UBQLN4: variants seen among roughly 807,000 people sequenced by gnomAD.
UBQLN4 encodes ubiquilin 4, also known as ubiquilin-4.
In UBQLN4, 11 loss-of-function variants were observed where a neutral mutation model predicts 60.4. That is an observed-to-expected ratio of 0.18 (90% CI 0.11 to 0.30). The LOEUF (loss-of-function observed/expected upper bound fraction) is 0.30, where lower values mean the gene tolerates loss of function less well. UBQLN4 is among the 10% of genes least tolerant of loss of function. The probability of loss-of-function intolerance (pLI) is 1.00; values close to 1 mark genes in which losing one functional copy is unlikely to be tolerated. For synonymous variants in UBQLN4, 258 were observed against 313.1 expected (o/e 0.82, Z 1.86); for missense variants, 417 against 795.5 (o/e 0.52, Z 5.72).
chr1:156,051,341 A>C lies in UBQLN4; in HGVS notation c.261-14T>G. 1 of 1,552,026 alleles carries C rather than the reference A, an allele frequency of 6.4e-7. No individual in the cohort carries two copies. Among genetic ancestry groups the C allele is most frequent in the Non-Finnish European group, 8.7e-7 (1 of 1,146,976 alleles). On this transcript the variant is annotated splice_polypyrimidine_tract_variant and intron_variant, in intron 2 of 10. Transcript: ENST00000368309. ...GGATCTTGAGCCCTGAGGACAGAGA[A>C]AGGAGAATCCTGTTGGAGTGAGCAC... is the stretch of plus-strand genomic sequence containing the variant.
At chr1:156,037,578 AG>A (rs1245942283) in intron 10 of UBQLN4, among the ~76,000 whole-genome samples, 1 of 152,268 alleles carries the variant, frequency 6.6e-6, no homozygotes, top group African/African-American at 2.4e-5. Flanking sequence ...CCTGGGCAAC[AG>A]AGCGAGACTC....
At chr1:156,045,094 A>G (rs1392552087) in intron 5 of UBQLN4, among the ~76,000 whole-genome samples, 2 of 151,766 alleles carry the variant, frequency 1.3e-5, no homozygotes, top group Non-Finnish European at 2.9e-5. Context: ...AGTTTTCCCT[A>G]CTCAGCCTTT....
Position 156,036,903 on chromosome 1 carries a change from A to T in UBQLN4, c.*75T>A. 6.4e-7 allele frequency: 1 copy of T among 1,559,290 alleles called. No homozygotes were observed. ...GAAGACGGAAGGGAGGACAAGCTGCAGAGGGTAAGGATTGACAGAAGAACC... is the reference window on the plus strand; with the variant it reads ...GAAGACGGAAGGGAGGACAAGCTGCTGAGGGTAAGGATTGACAGAAGAACC... On this transcript the variant is annotated 3_prime_UTR_variant, in exon 11 of 11. Transcript: ENST00000368309.
chr1:156,038,713 G>C lies in UBQLN4; in HGVS notation c.1654-1583C>G, dbSNP rs945571718. On this transcript the variant is annotated intron_variant, in intron 10 of 10. Transcript: ENST00000368309. Reference sequence around the variant, plus strand: ...AAAAAATTTTTTTAGCAGAGAAAGGGTCTTGCTATGTTGCCCAGGCTGGTC... The same window carrying C: ...AAAAAATTTTTTTAGCAGAGAAAGGCTCTTGCTATGTTGCCCAGGCTGGTC... Among the ~76,000 whole-genome samples, 5 of 152,028 alleles carry C rather than the reference G, an allele frequency of 3.3e-5. No homozygotes were observed. The South Asian group carries it at 1.0e-3, about 32-fold the overall frequency.
chr1:156,039,603 A>G (rs1683494202), intron 10 of UBQLN4, among the ~76,000 whole-genome samples: 1 of 151,960 alleles, frequency 6.6e-6, no homozygotes, highest in South Asian at 2.1e-4. Flanking sequence ...ATGTTTGCCC[A>G]AGGGGTATTT....
chr1:156,044,970 C>A (rs1396709302), intron 5 of UBQLN4, among the ~76,000 whole-genome samples: 1 of 152,130 alleles, frequency 6.6e-6, no homozygotes, highest in African/African-American at 2.4e-5. Flanking sequence ...ACTGTGCTCC[C>A]CAGGATATCT....
At position 156,036,379 on chromosome 1, in the gene UBQLN4, G is replaced by A; in HGVS notation, c.*599C>T. ...CTGTCTCATCTCCCTCTTCAGACAGGGAGAACAGGCATCTTCCTCCTTACC... is the reference window on the plus strand; with the variant it reads ...CTGTCTCATCTCCCTCTTCAGACAGAGAGAACAGGCATCTTCCTCCTTACC... On this transcript the variant is annotated 3_prime_UTR_variant, in exon 11 of 11. Coordinates refer to ENST00000368309, the MANE Select transcript of UBQLN4 (RefSeq NM_020131.5). 4 of 985,690 alleles carry A rather than the reference G, an allele frequency of 4.1e-6. No homozygotes were observed. Among genetic ancestry groups the A allele is most frequent in the South Asian group, 4.7e-5 (1 of 21,294 alleles). 61.1% of individuals were successfully genotyped at this position (985,690 alleles called of 1,614,324 possible). A position where few individuals can be genotyped will look rare whatever the true frequency, so the allele number is the denominator to read the frequency against.
intron 7 of UBQLN4, chr1:156,042,571 G>T: frequency 9.5e-7 from 1 of 1,047,900 alleles, no homozygotes; most frequent in Non-Finnish European, 1.3e-6. Flanking sequence ...AACTATAGGA[G>T]GTAGGAACTA....
intron 1 of UBQLN4, 26 bp downstream of exon 1, chr1:156,053,566 TCC>T: frequency 1.3e-6 from 1 of 742,700 alleles, no homozygotes; most frequent in Non-Finnish European, 1.7e-6. Flanking sequence ...TCCTCCGCGC[TCC>T]CCCCGCCCCC....
At position 156,036,609 on chromosome 1, in the gene UBQLN4, G is replaced by A. The variant is rs1683410246; in HGVS notation, c.*369C>T. ...AAGACAAAACCCTAGTGGTATAGAT[G>A]GAAGACTATGTTCCAGTAAACCAGA... On this transcript the variant is annotated 3_prime_UTR_variant, in exon 11 of 11. Coordinates refer to ENST00000368309, the MANE Select transcript of UBQLN4 (RefSeq NM_020131.5). 1.1e-5 allele frequency: 11 copies of A among 1,013,776 alleles called. No homozygotes were observed. Among genetic ancestry groups the A allele is most frequent in the Non-Finnish European group, 1.3e-5 (11 of 847,044 alleles). The allele number at this position is 1,013,776 out of a possible 1,614,324, so 62.8% of individuals were successfully genotyped here. A position where few individuals can be genotyped will look rare whatever the true frequency, so the allele number is the denominator to read the frequency against.
intron 10 of UBQLN4, among the ~76,000 whole-genome samples, chr1:156,038,834 G>A (rs1412559250): frequency 8.1e-6 from 1 of 123,616 alleles, no homozygotes; most frequent in African/African-American, 3.0e-5. Flanking sequence ...TTTTTGAGAC[G>A]GAGTCTCGCT....
intron 9 of UBQLN4, 54 bp downstream of exon 9, chr1:156,041,818 T>A: frequency 1.7e-5 from 26 of 1,530,594 alleles, no homozygotes; most frequent in Non-Finnish European, 2.2e-5. Context: ...GAGAGAAGAG[T>A]TGAAGGGGAG....
intron 5 of UBQLN4, among the ~76,000 whole-genome samples, chr1:156,047,957 T>C (rs1212755466): frequency 6.6e-6 from 1 of 150,592 alleles, no homozygotes; most frequent in East Asian, 1.9e-4. Flanking sequence ...TATGGCAACA[T>C]GTTAGGGCAA....
At chr1:156,047,381 C>T (rs777792126) in intron 5 of UBQLN4, among the ~76,000 whole-genome samples, 2 of 151,396 alleles carry the variant, frequency 1.3e-5, no homozygotes, top group Non-Finnish European at 2.9e-5. Flanking sequence ...ATAGCTGGGA[C>T]TACAGGCATG....
At position 156,035,962 on chromosome 1, in the gene UBQLN4, T is replaced by C. The variant is rs2102736665; in HGVS notation, c.*1016A>G. On this transcript the variant is annotated 3_prime_UTR_variant, in exon 11 of 11. Transcript: ENST00000368309. ...CTCACACAGACCCCAACCCCCTTCA[T>C]GTCTTTTGAGGGGGGCTCAAACTAC... is the stretch of plus-strand genomic sequence containing the variant. 4 of 985,712 alleles carry C rather than the reference T, an allele frequency of 4.1e-6. No individual in the cohort carries two copies. The highest frequency in any genetic ancestry group is 4.8e-6 in the Non-Finnish European group (4 of 830,086). 61.1% of individuals were successfully genotyped at this position (985,712 alleles called of 1,614,324 possible). A position where few individuals can be genotyped will look rare whatever the true frequency, so the allele number is the denominator to read the frequency against.
chr1:156,042,107 A>T, intron 8 of UBQLN4, 46 bp downstream of exon 8: 3 of 1,608,638 alleles, frequency 1.9e-6, no homozygotes, highest in Non-Finnish European at 2.5e-6. Flanking sequence ...GGCTTCAGGG[A>T]CTACCCCTTG....
intron 1 of UBQLN4, among the ~76,000 whole-genome samples, chr1:156,053,154 C>G (rs1683922871): frequency 6.6e-6 from 1 of 152,140 alleles, no homozygotes; most frequent in African/African-American, 2.4e-5. Context: ...AGGATCTGGG[C>G]ACAGGGAAAT....
At chr1:156,034,859 ATATATATATATAAT>A (rs1683361565), downstream of UBQLN4, among the ~76,000 whole-genome samples, 2 of 67,946 alleles carry the variant, frequency 2.9e-5, no homozygotes, top group Admixed American at 1.7e-4. Flanking sequence ...ATATATATAT[ATATATATATATAAT>A]TTTTTTTTCT....
chr1:156,042,905 T>C lies in UBQLN4; in HGVS notation c.1135A>G (p.Asn379Asp). ...NAASLGSGMF[N>D]SPEMQALLQQ... ...AGGAGGGCTTGCATTTCTGGGCTAT[T>C]GAACATCCCTAGGACAAGGCGGAAA... Residue 379 changes from asparagine to aspartate, a missense_variant, in exon 7 of 11, where the codon AAT (asparagine) becomes GAT (aspartate). By Grantham distance (23) the Asn-to-Asp change is conservative. Transcript: ENST00000368309. 9 of 1,614,042 alleles carry C rather than the reference T, an allele frequency of 5.6e-6. No individual in the cohort carries two copies. Among genetic ancestry groups the C allele is most frequent in the Non-Finnish European group, 5.9e-6 (7 of 1,179,984 alleles).
Sources: gnomAD v4.1 joint callset for allele counts (sites outside exome capture counted in the v4.1 genomes callset) on GRCh38, gnomAD v4.1.1 for gene constraint, MANE v1.5 for transcripts, NCBI Gene and HGNC (gene_info 2026-07-23, HGNC 2026-07-21) for gene names.